Variants in ARID5B observed in about 807,000 individuals in gnomAD.
ARID5B encodes AT-rich interactive domain-containing protein 5B.
A neutral mutation model predicts 97.2 loss-of-function variants in ARID5B; 13 were observed. The ratio of observed to expected loss-of-function variants is 0.13; its 90% CI spans 0.09 to 0.21. The LOEUF is 0.21. ARID5B is among the 10% of genes least tolerant of loss of function. The pLI, the probability that ARID5B is intolerant of heterozygous loss-of-function variation, is 1.00. For missense variants in ARID5B, 1,210 were observed against 1,465.3 expected (o/e 0.83, Z 2.84); for synonymous variants, 556 against 570.3 (o/e 0.97, Z 0.36).
intron 2 of ARID5B, among the ~76,000 whole-genome samples, chr10:61,925,922 C>T (rs1326579224): frequency 6.6e-6 from 1 of 152,206 alleles, no homozygotes; most frequent in African/African-American, 2.4e-5. Context: ...TTTACTCCCT[C>T]CTCTTGTGCC....
chr10:62,054,343 G>A (rs976662808), intron 5 of ARID5B, among the ~76,000 whole-genome samples: 2 of 151,880 alleles, frequency 1.3e-5, no homozygotes, highest in Non-Finnish European at 2.9e-5. Context: ...ACTTGATTTA[G>A]TCCTACCCAG....
chr10:62,021,186 C>G lies in ARID5B; in HGVS notation c.733+20865C>G, dbSNP rs10995013. Among the ~76,000 whole-genome samples the G allele has an allele frequency of 1.1e-3, 173 of 151,914 alleles. 7 individuals are homozygous for G. In the East Asian group the frequency reaches 0.032, roughly 28 times the overall value. ...GTGCCAAGTCCCACAAATACTCACT[C>G]TGGATTCTTTAATAACTGCTGATAC... On this transcript the variant is annotated intron_variant, in intron 4 of 9. Transcript: ENST00000279873.
chr10:61,930,915 A>AT (rs552943340), intron 2 of ARID5B, among the ~76,000 whole-genome samples: 107 of 152,048 alleles, frequency 7.0e-4, no homozygotes, highest in African/African-American at 2.5e-3. Context: ...GTAATAAACC[A>AT]TTTTTTGTCT....
intron 4 of ARID5B, chr10:62,049,284 G>A (rs1839753056): frequency 2.7e-6 from 4 of 1,455,770 alleles, no homozygotes; most frequent in South Asian, 1.4e-5. Flanking sequence ...GCTAGTCACT[G>A]CTGTGTGTTT....
At chr10:62,023,399 G>A (rs776592376) in intron 4 of ARID5B, among the ~76,000 whole-genome samples, 3 of 152,206 alleles carry the variant, frequency 2.0e-5, no homozygotes, top group Non-Finnish European at 4.4e-5. Context: ...GTATTTGCAT[G>A]TATGACACAG....
At chr10:61,974,228 C>T (rs570629351) in intron 3 of ARID5B, among the ~76,000 whole-genome samples, 3 of 152,278 alleles carry the variant, frequency 2.0e-5, no homozygotes, top group South Asian at 4.1e-4. Context: ...GTACAAATAA[C>T]GCAAAGTGAT....
At chr10:62,021,683 G>GT (rs1839357936) in intron 4 of ARID5B, among the ~76,000 whole-genome samples, 1 of 152,256 alleles carries the variant, frequency 6.6e-6, no homozygotes, top group East Asian at 1.9e-4. Context: ...CAATAACTTG[G>GT]TTTTTTCTAC....
chr10:61,949,069 G>A (rs1413043959), intron 3 of ARID5B, among the ~76,000 whole-genome samples: 2 of 152,222 alleles, frequency 1.3e-5, no homozygotes, highest in Non-Finnish European at 2.9e-5. Flanking sequence ...AGCTTCTGTA[G>A]TTCCTGTAGT....
chr10:62,066,847 A>G (rs906685955), intron 7 of ARID5B, among the ~76,000 whole-genome samples: 1 of 152,048 alleles, frequency 6.6e-6, no homozygotes, highest in Non-Finnish European at 1.5e-5. Context: ...TTCACAATTT[A>G]TATTATTTTA....
At chr10:61,951,255 G>A (rs146290191) in intron 3 of ARID5B, among the ~76,000 whole-genome samples, 1 of 152,362 alleles carries the variant, frequency 6.6e-6, no homozygotes, top group African/African-American at 2.4e-5. Flanking sequence ...TTCATGCACA[G>A]TAGGGGCTGA....
chr10:61,966,098 A>T (rs909603116), intron 3 of ARID5B, among the ~76,000 whole-genome samples: 1 of 152,216 alleles, frequency 6.6e-6, no homozygotes, highest in Non-Finnish European at 1.5e-5. Context: ...TAGTCCCACT[A>T]TGCAGAGGCT....
intron 3 of ARID5B, among the ~76,000 whole-genome samples, chr10:61,974,721 A>G (rs1000376353): frequency 1.9e-4 from 29 of 152,204 alleles, no homozygotes; most frequent in Non-Finnish European, 2.6e-4. Context: ...TTTATAAAAC[A>G]CTGATCTGTT....
At position 62,017,070 on chromosome 10, in the gene ARID5B, G is replaced by A. The variant is rs577598010; in HGVS notation, c.733+16749G>A. On this transcript the variant is annotated intron_variant, in intron 4 of 9. Transcript: ENST00000279873. ...CCTCAAAACAAAAACAGGACACCAC[G>A]TAAGGGGAAGTAGTGATTAATGCAT... Among the ~76,000 whole-genome samples, 55 of 152,274 alleles carry A rather than the reference G, an allele frequency of 3.6e-4. No homozygotes were observed. In the South Asian group the frequency reaches 0.011, roughly 30 times the overall value.
intron 3 of ARID5B, among the ~76,000 whole-genome samples, chr10:61,996,844 G>T (rs547331545): frequency 3.3e-5 from 5 of 150,446 alleles, no homozygotes; most frequent in Non-Finnish European, 7.4e-5. Flanking sequence ...TGTACTGGGG[G>T]GTTAGGAGAG....
At chr10:62,052,995 A>G (rs1839810925) in intron 5 of ARID5B, among the ~76,000 whole-genome samples, 2 of 152,218 alleles carry the variant, frequency 1.3e-5, no homozygotes, top group African/African-American at 4.8e-5. Context: ...ATCAGTAGGT[A>G]TGAAGTGTGA....
intron 3 of ARID5B, among the ~76,000 whole-genome samples, chr10:61,990,174 C>G (rs1838904247): frequency 6.6e-6 from 1 of 152,198 alleles, no homozygotes; most frequent in African/African-American, 2.4e-5. Flanking sequence ...TGTTGAGCTG[C>G]CCCAGAAGCC....
chr10:62,061,199 G>A (rs1564640047), intron 7 of ARID5B, among the ~76,000 whole-genome samples: 2 of 152,112 alleles, frequency 1.3e-5, no homozygotes, highest in African/African-American at 4.8e-5. Flanking sequence ...CAAACAAGGT[G>A]GAAAAAGGTC....
intron 3 of ARID5B, among the ~76,000 whole-genome samples, chr10:61,986,971 G>C (rs904972717): frequency 3.9e-5 from 6 of 152,166 alleles, no homozygotes; most frequent in African/African-American, 1.4e-4. Context: ...ATAGAGATGG[G>C]GTTAGGGTGA....
chr10:61,905,345 T>C (rs1843691631), intron 2 of ARID5B, among the ~76,000 whole-genome samples: 1 of 152,218 alleles, frequency 6.6e-6, no homozygotes, highest in African/African-American at 2.4e-5. Flanking sequence ...CTTTTTATGA[T>C]TTCTTGAAAT....
Sources: allele counts gnomAD v4.1 joint callset (sites outside exome capture counted in the v4.1 genomes callset), GRCh38; gene constraint gnomAD v4.1.1; transcripts MANE v1.5; gene names NCBI Gene and HGNC (gene_info 2026-07-23, HGNC 2026-07-21).